KIAA0319L: variants seen among roughly 807,000 people sequenced by gnomAD.
The protein encoded by KIAA0319L is KIAA0319 like.
In KIAA0319L, 55 loss-of-function variants were observed where a neutral mutation model predicts 120.1. That is an observed-to-expected ratio of 0.46 (90% CI 0.37 to 0.57). The LOEUF (loss-of-function observed/expected upper bound fraction) is 0.57, where lower values mean the gene tolerates loss of function less well. KIAA0319L is among the 20% of genes least tolerant of loss of function. The pLI is 0.00. For missense variants in KIAA0319L, 1,049 were observed against 1,255.3 expected (o/e 0.84, Z 2.48); for synonymous variants, 398 against 471.9 (o/e 0.84, Z 2.03).
chr1:35,470,851 AGGC>A lies in KIAA0319L; in HGVS notation c.1113+9_1113+11del. The A allele has an allele frequency of 6.4e-7, 1 of 1,552,772 alleles. No individual in the cohort carries two copies. The highest frequency in any genetic ancestry group is 8.9e-7 in the Non-Finnish European group (1 of 1,124,088). ...CTACCTTTGCCCTGCAAGTGAAAGGAGGCAAATTCACCTTCGATAGTTTGAGGA... is the reference window on the plus strand; with the variant it reads ...CTACCTTTGCCCTGCAAGTGAAAGGAAAATTCACCTTCGATAGTTTGAGGA... On this transcript the variant is annotated intron_variant, in intron 6 of 20. Transcript: ENST00000325722.
chr1:35,434,484 A>G lies in KIAA0319L; in HGVS notation c.*410T>C, dbSNP rs2149063120. ...GGCGTACTCTACCCCAGAGAGGGAAACACCATGCCCACAGTGCTTGGTTTT... is the reference window on the plus strand; with the variant it reads ...GGCGTACTCTACCCCAGAGAGGGAAGCACCATGCCCACAGTGCTTGGTTTT... On this transcript the variant is annotated 3_prime_UTR_variant, in exon 21 of 21. Coordinates refer to ENST00000325722, the MANE Select transcript of KIAA0319L (RefSeq NM_024874.5). 1 of 163,946 alleles carries G rather than the reference A, an allele frequency of 6.1e-6. No individual in the cohort carries two copies. The highest frequency in any genetic ancestry group is 2.4e-5 in the African/African-American group (1 of 41,878). 10.2% of individuals were successfully genotyped at this position (163,946 alleles called of 1,614,324 possible). A position where few individuals can be genotyped will look rare whatever the true frequency, so the allele number is the denominator to read the frequency against.
At chr1:35,461,792 C>T (rs545339607) in intron 8 of KIAA0319L, among the ~76,000 whole-genome samples, 1 of 152,160 alleles carries the variant, frequency 6.6e-6, no homozygotes, top group African/African-American at 2.4e-5. Flanking sequence ...AGGGCTTCTT[C>T]CTGTTCCCTC....
intron 4 of KIAA0319L, among the ~76,000 whole-genome samples, chr1:35,477,934 G>A (rs534023795): frequency 5.3e-5 from 8 of 152,244 alleles, no homozygotes; most frequent in East Asian, 1.9e-4. Context: ...TCAGTGTATC[G>A]AAGAGGTATC....
intron 3 of KIAA0319L, among the ~76,000 whole-genome samples, chr1:35,502,162 G>A (rs1645031144): frequency 6.6e-6 from 1 of 151,324 alleles, no homozygotes; most frequent in African/African-American, 2.4e-5. Context: ...TGTGGTACCA[G>A]CTACTCTGGA....
intron 3 of KIAA0319L, among the ~76,000 whole-genome samples, chr1:35,504,048 G>A (rs182459171): frequency 6.6e-5 from 10 of 151,620 alleles, no homozygotes; most frequent in East Asian, 5.8e-4. Flanking sequence ...ACCTCACCTC[G>A]CTAATTTTTG....
intron 2 of KIAA0319L, among the ~76,000 whole-genome samples, chr1:35,539,223 G>A (rs1328746510): frequency 1.3e-5 from 2 of 152,184 alleles, no homozygotes; most frequent in Non-Finnish European, 2.9e-5. Context: ...ACAAAAGAGT[G>A]GAGGCGAAAC....
intron 3 of KIAA0319L, 95 bp from the exon 4 acceptor site, chr1:35,479,307 A>T: frequency 2.1e-6 from 2 of 956,014 alleles, no homozygotes; most frequent in Non-Finnish European, 3.1e-6. Context: ...TGTTCTCTTG[A>T]AAAATGCAAA....
At chr1:35,529,788 C>G (rs1438127448) in intron 2 of KIAA0319L, among the ~76,000 whole-genome samples, 3 of 152,070 alleles carry the variant, frequency 2.0e-5, no homozygotes, top group Admixed American at 6.5e-5. Flanking sequence ...CCAAGGAGAT[C>G]TTTGTGGGTT....
At chr1:35,454,745 G>A (rs1642321352) in intron 10 of KIAA0319L, 1 of 669,884 alleles carries the variant, frequency 1.5e-6, no homozygotes, top group African/African-American at 1.8e-5. Context: ...ATAAGAGAGG[G>A]CAGTATTGGG....
At position 35,554,331 on chromosome 1, in the gene KIAA0319L, T is replaced by C. The variant is rs753092213; in HGVS notation, c.142+19A>G. ...CTTTTCTAAAAAAAAAAATCTTAAA[T>C]CTATAAAGAAAATAGTACCTGTTGA... On this transcript the variant is annotated intron_variant, in intron 2 of 20. Coordinates refer to ENST00000325722, the MANE Select transcript of KIAA0319L (RefSeq NM_024874.5). 7 of 1,525,142 alleles carry C rather than the reference T, an allele frequency of 4.6e-6. No individual in the cohort carries two copies. In the African/African-American group the frequency reaches 9.9e-5, roughly 21 times the overall value. The allele number at this position is 1,525,142 out of a possible 1,614,324, so 94.5% of individuals were successfully genotyped here. A position where few individuals can be genotyped will look rare whatever the true frequency, so the allele number is the denominator to read the frequency against.
At chr1:35,534,582 G>T (rs1239967187) in intron 2 of KIAA0319L, among the ~76,000 whole-genome samples, 1 of 152,108 alleles carries the variant, frequency 6.6e-6, no homozygotes, top group Non-Finnish European at 1.5e-5. Flanking sequence ...ATCGGTGGCC[G>T]GGCGCAGTGG....
At chr1:35,543,997 A>G (rs1646888488) in intron 2 of KIAA0319L, among the ~76,000 whole-genome samples, 1 of 152,130 alleles carries the variant, frequency 6.6e-6, no homozygotes, top group Admixed American at 6.5e-5. Context: ...AATTCAACTT[A>G]CCTAACTGGA....
At chr1:35,467,940 C>T (rs750293665) in intron 6 of KIAA0319L, among the ~76,000 whole-genome samples, 3 of 152,128 alleles carry the variant, frequency 2.0e-5, no homozygotes, top group Non-Finnish European at 2.9e-5. Flanking sequence ...CCACCCACCT[C>T]GGCCTCCCAA....
rs1339439209 is a variant in KIAA0319L, at chr1:35,477,621, T to G, written c.913+1345A>C. ...GGCGCAGCTTGCAGTGAGCCGAGAT[T>G]GCGCCACTGCACTCCAGCCTGGGCA... On this transcript the variant is annotated intron_variant, in intron 4 of 20. Transcript: ENST00000325722. 2.8e-5 allele frequency among the ~76,000 whole-genome samples: 4 copies of G among 143,642 alleles called. No individual in the cohort carries two copies. The East Asian group carries it at 8.3e-4, about 30-fold the overall frequency. The allele number at this position is 143,642 out of a possible 152,430, so 94.2% of individuals were successfully genotyped here.
In KIAA0319L at chr1:35,546,696, T is replaced by C. The variant is rs369422179; in HGVS notation, c.142+7654A>G. ...AGTCCTTGTCTCCAACTGTGTCAGT[T>C]TGTCCATCTATAAACTGAATACGTA... On this transcript the variant is annotated intron_variant, in intron 2 of 20. Coordinates refer to ENST00000325722, the MANE Select transcript of KIAA0319L (RefSeq NM_024874.5). 4.2e-4 allele frequency among the ~76,000 whole-genome samples: 64 copies of C among 152,364 alleles called. 1 individual carries two copies. Among genetic ancestry groups the C allele is most frequent in the African/African-American group, 1.5e-3 (63 of 41,574 alleles).
intron 2 of KIAA0319L, among the ~76,000 whole-genome samples, chr1:35,535,059 T>C (rs1646521750): frequency 8.0e-6 from 1 of 124,950 alleles, no homozygotes; most frequent in African/African-American, 3.2e-5. Flanking sequence ...ATCACACCAC[T>C]GCACTCTAGC....
At chr1:35,495,400 A>ATAATTTCTCC (rs1644761826) in intron 3 of KIAA0319L, among the ~76,000 whole-genome samples, 11 of 152,242 alleles carry the variant, frequency 7.2e-5, no homozygotes, top group African/African-American at 2.6e-4. Flanking sequence ...TGAATCTTTC[A>ATAATTTCTCC]GAAGAAAACT....
chr1:35,456,021 C>T lies in KIAA0319L; in HGVS notation c.1648G>A (p.Glu550Lys). The T allele has an allele frequency of 6.2e-7, 1 of 1,611,992 alleles. No individual in the cohort carries two copies. Among genetic ancestry groups the T allele is most frequent in the Non-Finnish European group, 8.5e-7 (1 of 1,178,570 alleles). ...GAACCATTCCCTCCTACCTGCATCTCCACCACTTTCCCTTTGCTGCTTGGG... is the reference window on the plus strand; with the variant it reads ...GAACCATTCCCTCCTACCTGCATCTTCACCACTTTCCCTTTGCTGCTTGGG... ...LSPSSKGKVV[E>K]MQGVRTPTLQ... The change falls in exon 10 of 21, where the codon GAG becomes AAG. Residue 550 changes from glutamate (E) to lysine (K), a missense_variant. Coordinates refer to ENST00000325722, the MANE Select transcript of KIAA0319L (RefSeq NM_024874.5).
chr1:35,481,036 T>C (rs925174904), intron 3 of KIAA0319L, among the ~76,000 whole-genome samples: 1 of 152,194 alleles, frequency 6.6e-6, no homozygotes, highest in Non-Finnish European at 1.5e-5. Context: ...GTATTTCATA[T>C]AAAAGGAAGC....
Sources: gnomAD v4.1 joint callset for allele counts (sites outside exome capture counted in the v4.1 genomes callset) on GRCh38, gnomAD v4.1.1 for gene constraint, MANE v1.5 for transcripts, NCBI Gene and HGNC (gene_info 2026-07-23, HGNC 2026-07-21) for gene names.